Variants in ATG10 observed in about 807,000 individuals in gnomAD.
ATG10 encodes the protein ubiquitin-like-conjugating enzyme ATG10.
ATG10 carries 30 observed loss-of-function variants against 32.1 expected under a neutral mutation model. The ratio of observed to expected loss-of-function variants is 0.94; its 90% CI spans 0.70 to 1.27. The LOEUF (loss-of-function observed/expected upper bound fraction) is 1.27, where lower values mean the gene tolerates loss of function less well. Among genes scored for constraint, ATG10 ranks in the 50% most tolerant of loss-of-function variants. ATG10 has a pLI of 0.00. For missense variants in ATG10, 233 were observed against 262.3 expected, an observed-to-expected ratio of 0.89 and a Z score of 0.77; for synonymous variants, 87 against 91.5, an observed-to-expected ratio of 0.95 and a Z score of 0.28.
At position 82,167,555 on chromosome 5, in the gene ATG10, T is replaced by C. The variant is rs192604313; in HGVS notation, c.355+3018T>C. On this transcript the variant is annotated intron_variant, in intron 4 of 7. Coordinates refer to ENST00000282185, the MANE Select transcript of ATG10 (RefSeq NM_031482.5). ...GTTTTGAAAGAGGAAGTAATTCTGT[T>C]GTCTCCAGGAGACCTAAGACCCAAA... 7.2e-5 allele frequency among the ~76,000 whole-genome samples: 11 copies of C among 152,348 alleles called. No homozygotes were observed. The East Asian group carries it at 1.9e-3, about 27-fold the overall frequency.
At chr5:82,221,732 A>G (rs1329326972) in intron 5 of ATG10, among the ~76,000 whole-genome samples, 2 of 152,252 alleles carry the variant, frequency 1.3e-5, no homozygotes, top group Admixed American at 6.5e-5. Context: ...ATGCAAAAAT[A>G]TATTTTGAAA....
chr5:82,018,374 C>G (rs1314707147), intron 2 of ATG10, among the ~76,000 whole-genome samples: 5 of 152,184 alleles, frequency 3.3e-5, no homozygotes, highest in Non-Finnish European at 7.3e-5. Flanking sequence ...CTGGTATAAA[C>G]TATCGTCAAC....
intron 5 of ATG10, among the ~76,000 whole-genome samples, chr5:82,232,043 G>A (rs747649685): frequency 1.6e-4 from 25 of 152,168 alleles, no homozygotes; most frequent in Non-Finnish European, 2.6e-4. Context: ...CTGTGCGATA[G>A]TTGCCAGACA....
chr5:82,180,429 C>T (rs1275705282), intron 5 of ATG10, among the ~76,000 whole-genome samples: 1 of 152,134 alleles, frequency 6.6e-6, no homozygotes, highest in East Asian at 1.9e-4. Context: ...GTAGACCAGG[C>T]ATTGGTGGTG....
At chr5:82,137,017 T>C (rs1311785152) in intron 3 of ATG10, among the ~76,000 whole-genome samples, 1 of 152,110 alleles carries the variant, frequency 6.6e-6, no homozygotes, top group Non-Finnish European at 1.5e-5. Flanking sequence ...TTGGTACTTA[T>C]GTATGCTGCT....
At chr5:82,215,935 CA>C (rs34517729) in intron 5 of ATG10, among the ~76,000 whole-genome samples, 10,610 of 123,914 alleles carry the variant, frequency 0.086, 375 homozygotes, top group Middle Eastern at 0.099. Context: ...AACTCCATCT[CA>C]AAAAAAAAAA....
At chr5:82,096,705 G>T (rs1294466956) in intron 3 of ATG10, among the ~76,000 whole-genome samples, 1 of 152,152 alleles carries the variant, frequency 6.6e-6, no homozygotes, top group Non-Finnish European at 1.5e-5. Flanking sequence ...GTGTGAGCTA[G>T]ATTGGTAATT....
intron 3 of ATG10, among the ~76,000 whole-genome samples, chr5:82,140,157 C>T (rs1767025973): frequency 9.1e-6 from 1 of 109,664 alleles, no homozygotes; most frequent in Non-Finnish European, 1.9e-5. Flanking sequence ...TGAGGAGCCC[C>T]TCTGCCCGGC....
At chr5:82,003,301 A>G (rs985201824) in intron 2 of ATG10, among the ~76,000 whole-genome samples, 5 of 152,226 alleles carry the variant, frequency 3.3e-5, no homozygotes, top group African/African-American at 1.2e-4. Context: ...TTGTCTACTG[A>G]AGTGCCCAGA....
intron 5 of ATG10, chr5:82,242,874 G>T: frequency 2.2e-6 from 1 of 445,572 alleles, no homozygotes; most frequent in East Asian, 7.1e-5. Flanking sequence ...TGACACATAG[G>T]GAAAAATGGT....
At chr5:82,142,969 C>T (rs1767210994) in intron 3 of ATG10, among the ~76,000 whole-genome samples, 1 of 152,096 alleles carries the variant, frequency 6.6e-6, no homozygotes, top group Non-Finnish European at 1.5e-5. Context: ...GAGATAATGA[C>T]TTTAGTTTTT....
intron 5 of ATG10, among the ~76,000 whole-genome samples, chr5:82,220,022 G>A (rs2149991255): frequency 6.6e-6 from 1 of 152,286 alleles, no homozygotes; most frequent in Non-Finnish European, 1.5e-5. Context: ...GGTATCTAAG[G>A]AGTTAGGAAG....
intron 5 of ATG10, among the ~76,000 whole-genome samples, chr5:82,220,669 G>T (rs1185676040): frequency 6.9e-6 from 1 of 145,484 alleles, no homozygotes; most frequent in Non-Finnish European, 1.5e-5. Flanking sequence ...TTGCTTTGTC[G>T]CCTAGGCTGG....
In ATG10 at chr5:81,980,604, A is replaced by C. The variant is rs1581560113; in HGVS notation, c.-12-6955A>C. On this transcript the variant is annotated intron_variant, in intron 1 of 7. Coordinates refer to ENST00000282185, the MANE Select transcript of ATG10 (RefSeq NM_031482.5). ...TGTTGAATCTTTCGGTCCTGTAACTATAATGAGGGGAGTGTTTTTGTGTGA... is the reference window on the plus strand; with the variant it reads ...TGTTGAATCTTTCGGTCCTGTAACTCTAATGAGGGGAGTGTTTTTGTGTGA... 4.6e-5 allele frequency among the ~76,000 whole-genome samples: 7 copies of C among 152,014 alleles called. No homozygotes were observed. In the South Asian group the frequency reaches 1.4e-3, roughly 31 times the overall value.
chr5:82,067,424 C>T (rs751649134), intron 3 of ATG10, among the ~76,000 whole-genome samples: 6 of 152,050 alleles, frequency 3.9e-5, no homozygotes, highest in Non-Finnish European at 8.8e-5. Flanking sequence ...TGTAGAGATG[C>T]GGCACTGAAA....
At chr5:82,152,602 T>C (rs1405254384) in intron 3 of ATG10, among the ~76,000 whole-genome samples, 1 of 152,220 alleles carries the variant, frequency 6.6e-6, no homozygotes, top group Admixed American at 6.5e-5. Flanking sequence ...CCAAGGCCTT[T>C]TGGTGCCTGA....
At chr5:82,187,434 T>A (rs979095079) in intron 5 of ATG10, among the ~76,000 whole-genome samples, 42 of 148,150 alleles carry the variant, frequency 2.8e-4, no homozygotes, top group African/African-American at 1.0e-3. Flanking sequence ...TCACTTGAAC[T>A]GTCGGGAAGC....
intron 5 of ATG10, among the ~76,000 whole-genome samples, chr5:82,189,758 G>A (rs1425731287): frequency 1.3e-5 from 2 of 152,042 alleles, no homozygotes; most frequent in Non-Finnish European, 2.9e-5. Flanking sequence ...CAGGTAGCTG[G>A]GATTACAGGC....
At chr5:82,008,195 C>G (rs1300327325) in intron 2 of ATG10, among the ~76,000 whole-genome samples, 1 of 152,082 alleles carries the variant, frequency 6.6e-6, no homozygotes. Context: ...TTTAAGTCAT[C>G]TGCTGTGAGT....
Sources: gnomAD v4.1 joint callset for allele counts (sites outside exome capture counted in the v4.1 genomes callset) on GRCh38, gnomAD v4.1.1 for gene constraint, MANE v1.5 for transcripts, NCBI Gene and HGNC (gene_info 2026-07-23, HGNC 2026-07-21) for gene names.